Variants in NRXN1 observed in about 807,000 individuals in gnomAD.
NRXN1 encodes neurexin-1.
Under a neutral mutation model 150.9 loss-of-function variants are expected in NRXN1, and 39 were observed. The ratio of observed to expected loss-of-function variants is 0.26; its 90% CI spans 0.20 to 0.34. NRXN1 has a LOEUF of 0.34. Ranked by LOEUF, NRXN1 falls within the 10% of genes least tolerant of loss-of-function variation. NRXN1 has a pLI of 1.00. For missense variants in NRXN1, 1,815 were observed against 1,949.9 expected (o/e 0.93, Z 1.30); for synonymous variants, 924 against 757.0 (o/e 1.22, Z -3.62).
chr2:50,160,750 A>C (rs1407134164), intron 18 of NRXN1, among the ~76,000 whole-genome samples: 1 of 152,152 alleles, frequency 6.6e-6, no homozygotes, highest in African/African-American at 2.4e-5. Flanking sequence ...TCAGGTTTGT[A>C]ATCTTTTCGG....
Position 51,027,785 on chromosome 2 carries a change from G to C in NRXN1, c.489C>G (p.Arg163=), listed in dbSNP as rs747224688. 3.1e-6 allele frequency: 5 copies of C among 1,612,628 alleles called. No homozygotes were observed. Among genetic ancestry groups the C allele is most frequent in the Non-Finnish European group, 3.4e-6 (4 of 1,179,486 alleles). ...CCAGGGTGAGCTTGAGCGCCGCGGCGCGCAGTTCCGGGGGCAGCCCCCCGA... is the reference window on the plus strand; with the variant it reads ...CCAGGGTGAGCTTGAGCGCCGCGGCCCGCAGTTCCGGGGGCAGCCCCCCGA... The part of the protein sequence containing the change: ...LFVGGLPPEL[R]AAALKLTLAS... Residue 163 remains arginine (R), a synonymous_variant, in exon 2 of 23, where the codon CGC becomes CGG. Coordinates refer to ENST00000401669, the MANE Select transcript of NRXN1 (RefSeq NM_001330078.2).
At chr2:50,761,789 G>A (rs72837057) in intron 5 of NRXN1, among the ~76,000 whole-genome samples, 4,396 of 151,912 alleles carry the variant, frequency 0.029, 147 homozygotes, top group Non-Finnish European at 0.037. Flanking sequence ...AGCACAGCCA[G>A]GATAAAAGCA....
chr2:50,926,064 C>G, intron 2 of NRXN1, 109 bp from the exon 3 acceptor site: 1 of 798,126 alleles, frequency 1.3e-6, no homozygotes, highest in Non-Finnish European at 2.2e-6. Flanking sequence ...CCAAACACAT[C>G]ATGCAAGTGC....
At chr2:50,447,087 C>G (rs1416535633) in intron 17 of NRXN1, among the ~76,000 whole-genome samples, 7 of 152,006 alleles carry the variant, frequency 4.6e-5, no homozygotes, top group Non-Finnish European at 5.9e-5. Context: ...TGGAAAATCC[C>G]TCAAATATCA....
Position 50,198,639 on chromosome 2 carries a change from G to A in NRXN1, c.3546+38150C>T, listed in dbSNP as rs115782635. Among the ~76,000 whole-genome samples the A allele has an allele frequency of 5.1e-3, 768 of 152,060 alleles. 8 individuals carry two copies. The highest frequency in any genetic ancestry group is 0.017 in the African/African-American group (707 of 41,494). ...CTTTCCAGCTTCAAGCAGAACCATC[G>A]ATGTGACAACCGAAGACACCAAAGA... is the stretch of plus-strand genomic sequence containing the variant. On this transcript the variant is annotated intron_variant, in intron 18 of 22. Coordinates refer to ENST00000401669, the MANE Select transcript of NRXN1 (RefSeq NM_001330078.2).
intron 18 of NRXN1, among the ~76,000 whole-genome samples, chr2:50,124,801 A>T (rs560905034): frequency 1.3e-5 from 2 of 152,286 alleles, no homozygotes; most frequent in African/African-American, 4.8e-5. Context: ...TAAATGTTTA[A>T]AATATATCTT....
intron 5 of NRXN1, among the ~76,000 whole-genome samples, chr2:50,795,348 G>C (rs1451958162): frequency 6.6e-6 from 1 of 152,090 alleles, no homozygotes; most frequent in Non-Finnish European, 1.5e-5. Context: ...TCAGTAATCT[G>C]TATGTGCTCT....
chr2:50,344,092 C>G (rs537136733), intron 17 of NRXN1, among the ~76,000 whole-genome samples: 1 of 152,198 alleles, frequency 6.6e-6, no homozygotes, highest in South Asian at 2.1e-4. Context: ...CAACAACTAG[C>G]GAAATATTCA....
chr2:50,101,027 G>A (rs59617610), intron 18 of NRXN1, among the ~76,000 whole-genome samples: 2,058 of 152,152 alleles, frequency 0.014, 46 homozygotes, highest in African/African-American at 0.046. Flanking sequence ...AAATCTCAGC[G>A]TCACACTGAA....
chr2:50,899,127 T>C (rs1183130624), intron 5 of NRXN1, among the ~76,000 whole-genome samples: 1 of 152,150 alleles, frequency 6.6e-6, no homozygotes, highest in Non-Finnish European at 1.5e-5. Flanking sequence ...CTAAAATAAA[T>C]GAACGATATT....
At chr2:50,559,975 A>C (rs1261153891) in intron 8 of NRXN1, among the ~76,000 whole-genome samples, 1 of 152,194 alleles carries the variant, frequency 6.6e-6, no homozygotes, top group Non-Finnish European at 1.5e-5. Context: ...TGTAGCCTCC[A>C]AAAATTAGTA....
intron 5 of NRXN1, among the ~76,000 whole-genome samples, chr2:50,714,051 C>T (rs1695546800): frequency 1.3e-5 from 2 of 152,146 alleles, no homozygotes; most frequent in Admixed American, 6.5e-5. Context: ...TAGGCTTTTA[C>T]TTTAAAAATT....
At chr2:50,571,536 G>C (rs1210380983) in intron 8 of NRXN1, among the ~76,000 whole-genome samples, 1 of 152,066 alleles carries the variant, frequency 6.6e-6, no homozygotes, top group Non-Finnish European at 1.5e-5. Context: ...CTATGGCTGA[G>C]CACATTTGAT....
chr2:50,158,825 AAGAT>A (rs2059186784), intron 18 of NRXN1, among the ~76,000 whole-genome samples: 1 of 152,160 alleles, frequency 6.6e-6, no homozygotes, highest in African/African-American at 2.4e-5. Flanking sequence ...TGTTTATTAA[AAGAT>A]AGACATTTTT....
At chr2:50,742,321 G>A (rs1377153800) in intron 5 of NRXN1, among the ~76,000 whole-genome samples, 1 of 151,336 alleles carries the variant, frequency 6.6e-6, no homozygotes, top group East Asian at 1.9e-4. Context: ...TATACATAGA[G>A]TACATCACTT....
intron 5 of NRXN1, among the ~76,000 whole-genome samples, chr2:50,634,252 G>A (rs78835232): frequency 0.029 from 4,383 of 152,282 alleles, 88 homozygotes; most frequent in Admixed American, 0.065. Flanking sequence ...TAAACTCTGC[G>A]TAGGCATGGA....
chr2:50,259,222 T>A (rs1203010937), intron 17 of NRXN1, among the ~76,000 whole-genome samples: 1 of 151,926 alleles, frequency 6.6e-6, no homozygotes, highest in Non-Finnish European at 1.5e-5. Context: ...ATAAAGCTGT[T>A]TTGTCTACAC....
At chr2:50,007,321 G>A (rs1016745873) in intron 21 of NRXN1, among the ~76,000 whole-genome samples, 2 of 152,100 alleles carry the variant, frequency 1.3e-5, no homozygotes, top group African/African-American at 4.8e-5. Flanking sequence ...ACTCCAGCCT[G>A]AGTGACAGAG....
At chr2:50,705,059 C>CAA (rs1382752728) in intron 5 of NRXN1, among the ~76,000 whole-genome samples, 3 of 151,172 alleles carry the variant, frequency 2.0e-5, no homozygotes, top group Non-Finnish European at 4.4e-5. Context: ...AACACACACA[C>CAA]ACACACACAC....
Sources: allele counts gnomAD v4.1 joint callset (sites outside exome capture counted in the v4.1 genomes callset), GRCh38; gene constraint gnomAD v4.1.1; transcripts MANE v1.5; gene names NCBI Gene and HGNC (gene_info 2026-07-23, HGNC 2026-07-21).